Variants in PARM1 observed in about 807,000 individuals in gnomAD.
The protein encoded by PARM1 is prostate androgen-regulated mucin-like protein 1, also known as WSC4, cell wall integrity and stress response component 4 homolog.
In PARM1, 14 loss-of-function variants were observed where a neutral mutation model predicts 24.6. The ratio of observed to expected loss-of-function variants is 0.57; its 90% confidence interval spans 0.38 to 0.89. The LOEUF is 0.89. PARM1 is among the 40% of genes least tolerant of loss of function. The probability of loss-of-function intolerance (pLI) is 0.00; values close to 1 mark genes in which losing one functional copy is unlikely to be tolerated. For missense variants in PARM1, 362 were observed against 380.4 expected, an observed-to-expected ratio of 0.95 and a Z score of 0.40; for synonymous variants, 179 against 156.6, an observed-to-expected ratio of 1.14 and a Z score of -1.07.
intron 1 of PARM1, among the ~76,000 whole-genome samples, chr4:75,000,676 A>G (rs1468763179): frequency 6.6e-6 from 1 of 152,242 alleles, no homozygotes; most frequent in Non-Finnish European, 1.5e-5. Flanking sequence ...TGCGGCACAT[A>G]GATGCCCTTA....
rs1044293023 is a variant in PARM1, at chr4:74,933,232, C to T, written c.-96C>T. On this transcript the variant is annotated 5_prime_UTR_variant, in exon 1 of 4. Coordinates refer to ENST00000307428, the MANE Select transcript of PARM1 (RefSeq NM_015393.4). Reference sequence around the variant, plus strand: ...GCCTCCCGGCTCCCACCGCAGCCCACCCGGCAGAGGAGTCGCTACCAGCGC... The same window carrying T: ...GCCTCCCGGCTCCCACCGCAGCCCATCCGGCAGAGGAGTCGCTACCAGCGC... 9.1e-6 allele frequency: 10 copies of T among 1,100,406 alleles called. No homozygotes were observed. In the African/African-American group the frequency reaches 1.2e-4, roughly 14 times the overall value. 68.2% of individuals were successfully genotyped at this position (1,100,406 alleles called of 1,614,324 possible).
intron 1 of PARM1, among the ~76,000 whole-genome samples, chr4:74,936,018 A>G (rs1721175590): frequency 6.6e-6 from 1 of 151,884 alleles, no homozygotes. Context: ...TTTTTTGTAG[A>G]TATGGGGGGT....
intron 1 of PARM1, among the ~76,000 whole-genome samples, chr4:74,996,764 A>G (rs968229290): frequency 6.6e-6 from 1 of 151,996 alleles, no homozygotes; most frequent in Non-Finnish European, 1.5e-5. Flanking sequence ...TACCAGACCC[A>G]CTCCTTTCCA....
In PARM1 at chr4:74,933,389, C is replaced by G; in HGVS notation, c.43+19C>G. 2 of 1,611,074 alleles carry G rather than the reference C, an allele frequency of 1.2e-6. No homozygotes were observed. The highest frequency in any genetic ancestry group is 2.7e-5 in the African/African-American group (2 of 74,982). ...ACTGCAGGTAATTGGCGCCATCCTC[C>G]CGGAAGGGCAGGTCGCGGGGTGGGC... On this transcript the variant is annotated intron_variant, in intron 1 of 3. Transcript: ENST00000307428.
intron 1 of PARM1, among the ~76,000 whole-genome samples, chr4:75,006,940 C>A (rs1722780228): frequency 1.3e-5 from 2 of 152,066 alleles, no homozygotes; most frequent in African/African-American, 4.8e-5. Flanking sequence ...AACAGGCAAC[C>A]TACATAATGG....
intron 1 of PARM1, among the ~76,000 whole-genome samples, chr4:74,980,562 T>C (rs963314183): frequency 1.1e-4 from 16 of 152,190 alleles, no homozygotes; most frequent in African/African-American, 3.9e-4. Flanking sequence ...GATTCAATGC[T>C]ATTCCCATTA....
chr4:74,957,343 G>A (rs763841782), intron 1 of PARM1: 3 of 152,078 alleles, frequency 2.0e-5, no homozygotes, highest in African/African-American at 7.2e-5. Flanking sequence ...GTCTTATCTG[G>A]GCTTTAATGT....
chr4:74,950,917 G>A (rs1487388443), intron 1 of PARM1, among the ~76,000 whole-genome samples: 2 of 151,752 alleles, frequency 1.3e-5, no homozygotes, highest in Non-Finnish European at 2.9e-5. Context: ...TGCAGGCACT[G>A]TGACAAGCAG....
At chr4:74,953,959 T>G (rs371357699) in intron 1 of PARM1, among the ~76,000 whole-genome samples, 1 of 152,156 alleles carries the variant, frequency 6.6e-6, no homozygotes, top group African/African-American at 2.4e-5. Context: ...AGACTCTACC[T>G]TGGCTGGCCT....
At chr4:75,028,655 A>G (rs556474502) in intron 2 of PARM1, among the ~76,000 whole-genome samples, 1 of 152,348 alleles carries the variant, frequency 6.6e-6, no homozygotes, top group East Asian at 1.9e-4. Flanking sequence ...TTCAAGGAGA[A>G]TGTAGCTCAG....
chr4:74,977,912 AT>A lies in PARM1; in HGVS notation c.44-34512del, dbSNP rs552934572. Among the ~76,000 whole-genome samples the A allele has an allele frequency of 1.1e-4, 17 of 152,314 alleles. No individual in the cohort carries two copies. The South Asian group carries it at 3.1e-3, about 28-fold the overall frequency. On this transcript the variant is annotated intron_variant, in intron 1 of 3. Transcript: ENST00000307428. ...AATAAAATCCTCTTCAGACAAACAA[AT>A]GTTGAGGGAATTAGTCACCACCAGG...
At chr4:74,933,474 C>A in intron 1 of PARM1, 104 bp downstream of exon 1, 1 of 985,286 alleles carries the variant, frequency 1.0e-6, no homozygotes, top group South Asian at 1.3e-5. Context: ...AGTCGCCGCG[C>A]GCCTCCGGGT....
In PARM1 at chr4:75,049,146, T is replaced by C. The variant is rs908956618; in HGVS notation, c.*2899T>C. 4.6e-5 allele frequency: 7 copies of C among 152,330 alleles called. No homozygotes were observed. Among genetic ancestry groups the C allele is most frequent in the African/African-American group, 1.7e-4 (7 of 41,572 alleles). The allele number at this position is 152,330 out of a possible 1,614,324, so 9.4% of individuals were successfully genotyped here. On this transcript the variant is annotated 3_prime_UTR_variant, in exon 4 of 4. Transcript: ENST00000307428. ...AAGCCGCCTCTTCTCGGCCATCGAC[T>C]GCAGATGATGAAAGAGCGGGATTCA...
intron 1 of PARM1, among the ~76,000 whole-genome samples, chr4:74,972,541 G>T (rs1722059434): frequency 6.6e-6 from 1 of 152,114 alleles, no homozygotes; most frequent in Non-Finnish European, 1.5e-5. Context: ...TCAAAATTGT[G>T]TCTTTTAGTG....
chr4:75,027,798 C>A (rs1026901738), intron 2 of PARM1, among the ~76,000 whole-genome samples: 1 of 152,198 alleles, frequency 6.6e-6, no homozygotes, highest in African/African-American at 2.4e-5. Flanking sequence ...CCAGTATGTA[C>A]AAGAGGACCC....
At chr4:74,943,538 G>T (rs938594844) in intron 1 of PARM1, among the ~76,000 whole-genome samples, 1 of 151,634 alleles carries the variant, frequency 6.6e-6, no homozygotes, top group Non-Finnish European at 1.5e-5. Flanking sequence ...CTTCATTGAG[G>T]ATTACACAAG....
intron 1 of PARM1, among the ~76,000 whole-genome samples, chr4:75,004,962 A>G (rs551192955): frequency 6.6e-6 from 1 of 152,256 alleles, no homozygotes; most frequent in East Asian, 1.9e-4. Flanking sequence ...TAGGGAAATT[A>G]CTGAACTTTT....
At chr4:74,968,301 T>A (rs569343290) in intron 1 of PARM1, among the ~76,000 whole-genome samples, 61 of 152,306 alleles carry the variant, frequency 4.0e-4, no homozygotes, top group African/African-American at 1.4e-3. Context: ...AAGATAAGAT[T>A]AAAAAATTAT....
chr4:74,991,615 T>TA (rs2109779883), intron 1 of PARM1, among the ~76,000 whole-genome samples: 1 of 152,198 alleles, frequency 6.6e-6, no homozygotes, highest in East Asian at 1.9e-4. Flanking sequence ...CAGAAAGAAA[T>TA]TAACAGAACA....
Sources: gnomAD v4.1 joint callset for allele counts (sites outside exome capture counted in the v4.1 genomes callset) on GRCh38, gnomAD v4.1.1 for gene constraint, MANE v1.5 for transcripts, NCBI Gene and HGNC (gene_info 2026-07-23, HGNC 2026-07-21) for gene names.